The following MDGA2 variants were observed in gnomAD, a reference collection of about 807,000 sequenced individuals.
The protein encoded by MDGA2 is MAM domain containing glycosylphosphatidylinositol anchor 2, also known as MAM domain-containing glycosylphosphatidylinositol anchor protein 2.
A neutral mutation model predicts 117.8 loss-of-function variants in MDGA2; 40 were observed. That is an observed-to-expected ratio of 0.34 (90% CI 0.26 to 0.44). The LOEUF is 0.44. Among genes scored for constraint, MDGA2 ranks in the 20% least tolerant of loss-of-function variants. The pLI is 1.00. For missense variants in MDGA2, 1,123 were observed against 1,250.6 expected (o/e 0.90, Z 1.54); for synonymous variants, 452 against 439.0 (o/e 1.03, Z -0.37).
rs538484823 is a variant in MDGA2, at chr14:46,945,652, C to T, written c.2089+11722G>A. ...TTTAATATATGTTTCTTAAACTTAG[C>T]CAGAAATCCATGCTCGGCTTGGAAT... is the stretch of plus-strand genomic sequence containing the variant. On this transcript the variant is annotated intron_variant, in intron 9 of 16. Transcript: ENST00000399232. 1.6e-4 allele frequency among the ~76,000 whole-genome samples: 25 copies of T among 152,102 alleles called. No homozygotes were observed. The South Asian group carries it at 3.9e-3, about 24-fold the overall frequency.
At chr14:47,309,051 C>CATA (rs1681840706) in intron 1 of MDGA2, among the ~76,000 whole-genome samples, 1 of 152,106 alleles carries the variant, frequency 6.6e-6, no homozygotes, top group Non-Finnish European at 1.5e-5. Flanking sequence ...CACCCATGAA[C>CATA]ATAAACACAT....
chr14:47,163,955 G>T (rs117960278), intron 3 of MDGA2, among the ~76,000 whole-genome samples: 1 of 152,196 alleles, frequency 6.6e-6, no homozygotes. Flanking sequence ...TCACTGGCTC[G>T]TGGAGGGATT....
chr14:47,583,822 T>A (rs1410333221), intron 1 of MDGA2, among the ~76,000 whole-genome samples: 1 of 151,866 alleles, frequency 6.6e-6, no homozygotes, highest in Non-Finnish European at 1.5e-5. Flanking sequence ...AACAGCATTT[T>A]CTCCGAAGAG....
intron 2 of MDGA2, among the ~76,000 whole-genome samples, chr14:47,276,910 T>A (rs1358125098): frequency 6.6e-6 from 1 of 152,204 alleles, no homozygotes; most frequent in Admixed American, 6.5e-5. Flanking sequence ...CTTACAAATA[T>A]ATATTTAGCA....
At chr14:47,465,398 C>A (rs1014671762) in intron 1 of MDGA2, among the ~76,000 whole-genome samples, 1 of 151,974 alleles carries the variant, frequency 6.6e-6, no homozygotes, top group Non-Finnish European at 1.5e-5. Flanking sequence ...AACAGACAAC[C>A]TACAGAATGA....
At chr14:47,461,379 T>C (rs1310025321) in intron 1 of MDGA2, among the ~76,000 whole-genome samples, 1 of 151,596 alleles carries the variant, frequency 6.6e-6, no homozygotes, top group Non-Finnish European at 1.5e-5. Flanking sequence ...GTCAAACTTG[T>C]TACTCAAAAT....
At chr14:47,215,990 T>C (rs955103550) in intron 3 of MDGA2, among the ~76,000 whole-genome samples, 23 of 151,522 alleles carry the variant, frequency 1.5e-4, no homozygotes, top group African/African-American at 5.3e-4. Flanking sequence ...GGAAGAGGAG[T>C]CAAACTTTAG....
chr14:47,186,695 C>T (rs921546604), intron 3 of MDGA2, among the ~76,000 whole-genome samples: 15 of 151,892 alleles, frequency 9.9e-5, no homozygotes, highest in African/African-American at 2.9e-4. Context: ...ATGCTATTAA[C>T]CAATGTGCCT....
At chr14:47,083,074 A>G (rs1223246959) in intron 6 of MDGA2, among the ~76,000 whole-genome samples, 1 of 152,068 alleles carries the variant, frequency 6.6e-6, no homozygotes, top group African/African-American at 2.4e-5. Context: ...GACAGAGCAC[A>G]AAATACGTAA....
chr14:47,335,640 G>C (rs1283075385), intron 1 of MDGA2, among the ~76,000 whole-genome samples: 1 of 149,606 alleles, frequency 6.7e-6, no homozygotes, highest in Non-Finnish European at 1.5e-5. Flanking sequence ...ATGAAATAAT[G>C]TAATCTTACA....
intron 1 of MDGA2, among the ~76,000 whole-genome samples, chr14:47,517,384 A>T (rs10483568): frequency 1.3e-5 from 2 of 152,110 alleles, no homozygotes; most frequent in African/African-American, 4.8e-5. Flanking sequence ...CACTCATAGC[A>T]AAAGTACAAA....
At chr14:47,592,058 T>C (rs1036052696) in intron 1 of MDGA2, among the ~76,000 whole-genome samples, 9 of 152,024 alleles carry the variant, frequency 5.9e-5, no homozygotes, top group East Asian at 1.9e-4. Flanking sequence ...GGAAAAAAAA[T>C]CGATGTGCAA....
intron 1 of MDGA2, among the ~76,000 whole-genome samples, chr14:47,424,303 G>T (rs1892640687): frequency 6.6e-6 from 1 of 151,934 alleles, no homozygotes; most frequent in African/African-American, 2.4e-5. Context: ...TGTGCCTGTG[G>T]TTCCAGCCAT....
intron 2 of MDGA2, among the ~76,000 whole-genome samples, chr14:47,275,222 G>A (rs1409859557): frequency 1.3e-5 from 2 of 152,278 alleles, no homozygotes; most frequent in East Asian, 1.9e-4. Flanking sequence ...AACAAGCAAT[G>A]TCATGTAAAC....
intron 2 of MDGA2, among the ~76,000 whole-genome samples, chr14:47,298,683 C>CTTTTT (rs66784813): frequency 5.6e-5 from 7 of 126,124 alleles, no homozygotes; most frequent in Non-Finnish European, 9.8e-5. Flanking sequence ...CTTAATTTTT[C>CTTTTT]TTTTTTTTTT....
At chr14:47,513,069 T>G (rs1325370002) in intron 1 of MDGA2, among the ~76,000 whole-genome samples, 1 of 152,110 alleles carries the variant, frequency 6.6e-6, no homozygotes, top group Non-Finnish European at 1.5e-5. Context: ...AGTCATTCCA[T>G]GTCAATAGCT....
At chr14:46,916,896 G>A (rs1035177508) in intron 10 of MDGA2, among the ~76,000 whole-genome samples, 1 of 152,070 alleles carries the variant, frequency 6.6e-6, no homozygotes, top group African/African-American at 2.4e-5. Context: ...GAACAAAGGA[G>A]TACAGAAAAG....
Position 47,224,761 on chromosome 14 carries a change from C to T in MDGA2, c.421-6566G>A, listed in dbSNP as rs977910146. The stretch of plus-strand genomic sequence containing the variant: ...TAAACCTAAAAAGGTTACAGAGTGC[C>T]AGCCTGCAAGAATATTAAGAACTAT... On this transcript the variant is annotated intron_variant, in intron 2 of 16. Transcript: ENST00000399232. Among the ~76,000 whole-genome samples the T allele has an allele frequency of 2.0e-5, 3 of 152,132 alleles. No homozygotes were observed. The South Asian group carries it at 6.2e-4, about 31-fold the overall frequency.
chr14:47,529,520 T>G (rs995586855), intron 1 of MDGA2, among the ~76,000 whole-genome samples: 32 of 152,252 alleles, frequency 2.1e-4, no homozygotes, highest in African/African-American at 6.3e-4. Flanking sequence ...TATTTTATTA[T>G]AATAGAGAAG....
Sources: allele counts gnomAD v4.1 joint callset (sites outside exome capture counted in the v4.1 genomes callset), GRCh38; gene constraint gnomAD v4.1.1; transcripts MANE v1.5; gene names NCBI Gene and HGNC (gene_info 2026-07-23, HGNC 2026-07-21).